Variants in TMEM132A observed in about 807,000 individuals in gnomAD.
TMEM132A encodes the protein transmembrane protein 132A.
TMEM132A carries 48 observed loss-of-function variants against 69.9 expected under a neutral mutation model. That is an observed-to-expected ratio of 0.69 (90% CI 0.55 to 0.87). The LOEUF (loss-of-function observed/expected upper bound fraction) is 0.87. Ranked by LOEUF, TMEM132A falls within the 40% of genes least tolerant of loss-of-function variation. TMEM132A has a pLI of 0.00. For missense variants in TMEM132A, 1,287 were observed against 1,407.2 expected, an observed-to-expected ratio of 0.91 and a Z score of 1.37; for synonymous variants, 577 against 613.7, an observed-to-expected ratio of 0.94 and a Z score of 0.88.
rs1856306613 is a variant in TMEM132A, at chr11:60,924,526, C to G, written c.-108C>G. 3 of 763,494 alleles carry G rather than the reference C, an allele frequency of 3.9e-6. No homozygotes were observed. The highest frequency in any genetic ancestry group is 7.2e-5 in the East Asian group (2 of 27,844). 47.3% of individuals were successfully genotyped at this position (763,494 alleles called of 1,614,324 possible). On this transcript the variant is annotated 5_prime_UTR_variant, in exon 1 of 11. Transcript: ENST00000453848. Reference sequence around the variant, plus strand: ...GGGCGGCGGCGGCGGCGGCGGCGGCCGGGACCCAGCGGGCCAGGTGGGGAC... The same window carrying G: ...GGGCGGCGGCGGCGGCGGCGGCGGCGGGGACCCAGCGGGCCAGGTGGGGAC...
rs1856608631 is a variant in TMEM132A, at chr11:60,936,595, G to A, written c.2760G>A (p.Glu920=). The part of the protein sequence containing the change: ...DRQSPGPPKG[E]GSCPCESGGG... ...AGTCCCCTGGCCCGCCCAAGGGGGA[G>A]GGGAGCTGCCCCTGTGAGAGTGGGG... Residue 920 remains glutamate (E), a synonymous_variant, in exon 11 of 11, where the codon GAG becomes GAA. Transcript: ENST00000453848. 6.3e-7 allele frequency: 1 copy of A among 1,594,954 alleles called. No individual in the cohort carries two copies.
At position 60,930,514 on chromosome 11, in the gene TMEM132A, A is replaced by C; in HGVS notation, c.871A>C (p.Lys291Gln). Residue 291 changes from lysine to glutamine, a missense_variant, in exon 5 of 11, where the codon AAG becomes CAG. Transcript: ENST00000453848. ...AGCCTATACTCTCTTCCCCAGGATC[A>C]AGGTGAAGAAGGGGCTGCATGTGAC... ...FTASLLTLRI[K>Q]VKKGLHVTAA... 6.2e-7 allele frequency: 1 copy of C among 1,602,068 alleles called. No homozygotes were observed. Among genetic ancestry groups the C allele is most frequent in the South Asian group, 1.1e-5 (1 of 89,524 alleles).
In TMEM132A at chr11:60,927,664, G is replaced by T; in HGVS notation, c.339G>T (p.Glu113Asp). The stretch of plus-strand genomic sequence containing the variant: ...AGGTGGTCCCCCCTCGAGTCACTGA[G>T]CCCCACCAACGGCCAGTCCCATGGG... ...TQQVVPPRVT[E>D]PHQRPVPWDV... The change falls in exon 3 of 11, where the codon GAG (glutamate) becomes GAT (aspartate). Residue 113 changes from glutamate to aspartate, a missense_variant. By Grantham distance (45) the Glu-to-Asp change is conservative. Coordinates refer to ENST00000453848, the MANE Select transcript of TMEM132A (RefSeq NM_178031.3). The T allele has an allele frequency of 1.9e-6, 3 of 1,612,442 alleles. No individual in the cohort carries two copies. Among genetic ancestry groups the T allele is most frequent in the Non-Finnish European group, 2.5e-6 (3 of 1,179,816 alleles).
At position 60,930,731 on chromosome 11, in the gene TMEM132A, G is replaced by C; in HGVS notation, c.1016+72G>C. 2.1e-6 allele frequency: 3 copies of C among 1,449,622 alleles called. No homozygotes were observed. The South Asian group carries it at 4.2e-5, about 20-fold the overall frequency. The allele number at this position is 1,449,622 out of a possible 1,614,324, so 89.8% of individuals were successfully genotyped here. ...TATAGAGTGCAGTTGAGCAGATTTGGAGGCTGCCATGCTGCCTCTAGATCC... is the reference window on the plus strand; with the variant it reads ...TATAGAGTGCAGTTGAGCAGATTTGCAGGCTGCCATGCTGCCTCTAGATCC... On this transcript the variant is annotated intron_variant, in intron 5 of 10. Transcript: ENST00000453848.
Position 60,934,586 on chromosome 11 carries a change from C to G in TMEM132A, c.1658C>G (p.Pro553Arg), listed in dbSNP as rs776316834. The G allele has an allele frequency of 2.8e-4, 436 of 1,559,536 alleles. No individual in the cohort carries two copies. The highest frequency in any genetic ancestry group is 3.6e-4 in the Non-Finnish European group (414 of 1,161,466). Residue 553 changes from proline to arginine, a missense_variant, in exon 9 of 11, where the codon CCC becomes CGC. Pro to Arg is a moderately radical substitution (Grantham distance 103, BLOSUM62 -2). Coordinates refer to ENST00000453848, the MANE Select transcript of TMEM132A (RefSeq NM_178031.3). ...CGGGCCGGTGTGCGCTTCCTCGCCCCCTTCGCGGCCCACCCGCTGGACGGC... is the reference window on the plus strand; with the variant it reads ...CGGGCCGGTGTGCGCTTCCTCGCCCGCTTCGCGGCCCACCCGCTGGACGGC... ...YQRAGVRFLA[P>R]FAAHPLDGGR...
At chr11:60,927,043 C>A in intron 1 of TMEM132A, 161 bp from the exon 2 acceptor site, 2 of 697,060 alleles carry the variant, frequency 2.9e-6, no homozygotes, top group South Asian at 1.6e-5. Context: ...GCTCTTTAAG[C>A]CTCAGTGACC....
intron 1 of TMEM132A, 199 bp from the exon 2 acceptor site, chr11:60,927,005 T>C: frequency 1.6e-6 from 1 of 626,264 alleles, no homozygotes; most frequent in Non-Finnish European, 2.9e-6. Flanking sequence ...ATTCGAATCC[T>C]GGCTTTGCTA....
Position 60,935,509 on chromosome 11 carries a change from A to T in TMEM132A, c.2028+66A>T, listed in dbSNP as rs1288521713. On this transcript the variant is annotated intron_variant, in intron 10 of 10. Coordinates refer to ENST00000453848, the MANE Select transcript of TMEM132A (RefSeq NM_178031.3). This position sits in a 1 kb window ranked among gnomAD's most constrained non-coding sequence, Gnocchi z 5.0. ...AGATGGGGGCTCATGGTAGAGGGGA[A>T]TGGGAGGAAGGGACCCTGGTACCTC... 6.7e-7 allele frequency: 1 copy of T among 1,492,470 alleles called. No homozygotes were observed. Among genetic ancestry groups the T allele is most frequent in the Admixed American group, 2.0e-5 (1 of 49,142 alleles). The allele number at this position is 1,492,470 out of a possible 1,614,324, so 92.5% of individuals were successfully genotyped here.
At position 60,931,802 on chromosome 11, in the gene TMEM132A, C is replaced by A. The variant is rs868024774; in HGVS notation, c.1130C>A (p.Ala377Asp). The change falls in exon 6 of 11, where the codon GCC becomes GAC. Residue 377 changes from alanine (A) to aspartate (D), a missense_variant. Ala to Asp is a moderately radical substitution (Grantham distance 126). Transcript: ENST00000453848. ...VTWQLEYPGQ[A>D]PEAEKDKMVW... The stretch of plus-strand genomic sequence containing the variant: ...TGGCAGCTGGAGTACCCAGGCCAGG[C>A]CCCTGAAGCAGAGAAGGACAAAATG... The A allele has an allele frequency of 6.2e-7, 1 of 1,614,072 alleles. No individual in the cohort carries two copies. The highest frequency in any genetic ancestry group is 1.3e-5 in the African/African-American group (1 of 74,924).
rs1216910931 is a variant in TMEM132A, at chr11:60,931,672, T to C, written c.1017-17T>C. On this transcript the variant is annotated splice_polypyrimidine_tract_variant and intron_variant, in intron 5 of 10. Coordinates refer to ENST00000453848, the MANE Select transcript of TMEM132A (RefSeq NM_178031.3). ...AGCTAGCAAGCATTTGGCTTCTCTG[T>C]CTCCTTTGGCCAGCAGTCCCCTTGA... 1.3e-6 allele frequency: 2 copies of C among 1,592,836 alleles called. No homozygotes were observed. The highest frequency in any genetic ancestry group is 8.6e-7 in the Non-Finnish European group (1 of 1,166,208).
At chr11:60,930,761 G>C (rs1856463849) in intron 5 of TMEM132A, 102 bp downstream of exon 5, 2 of 1,202,578 alleles carry the variant, frequency 1.7e-6, no homozygotes, top group Non-Finnish European at 2.3e-6. Context: ...AGATCCCCAG[G>C]TGAGCAGACC....
At position 60,924,745 on chromosome 11, in the gene TMEM132A, G is replaced by T; in HGVS notation, c.100+12G>T. The T allele has an allele frequency of 6.6e-7, 1 of 1,524,928 alleles. No homozygotes were observed. The highest frequency in any genetic ancestry group is 2.0e-4 in the Middle Eastern group (1 of 4,920). The allele number at this position is 1,524,928 out of a possible 1,614,324, so 94.5% of individuals were successfully genotyped here. ...GGACGTCGTGAGAGGTCAGCGGGAGGGGAGGGCCGGGGCGAGGGGCGGCCG... is the reference window on the plus strand; with the variant it reads ...GGACGTCGTGAGAGGTCAGCGGGAGTGGAGGGCCGGGGCGAGGGGCGGCCG... On this transcript the variant is annotated intron_variant, in intron 1 of 10. Transcript: ENST00000453848.
rs539899026 is a variant in TMEM132A at position 60,936,384 on chromosome 11, T to C, written c.2549T>C (p.Met850Thr). The C allele has an allele frequency of 1.4e-5, 22 of 1,614,148 alleles. No individual in the cohort carries two copies. In the Admixed American group the frequency reaches 2.7e-4, roughly 20 times the overall value. Residue 850 changes from methionine to threonine, a missense_variant, in exon 11 of 11, where the codon ATG becomes ACG. Transcript: ENST00000453848. ...CATGTCACTGAGCTAGAGCTGGGCA[T>C]GTACGCCCTGCTGGGAGTCTTCTGC... ...PQHVTELELG[M>T]YALLGVFCVA...
At chr11:60,924,871 G>A in intron 1 of TMEM132A, 138 bp downstream of exon 1, 1 of 627,052 alleles carries the variant, frequency 1.6e-6, no homozygotes, top group Non-Finnish European at 2.6e-6. Context: ...CTGAAGGTCG[G>A]AGAGTTCTTG....
chr11:60,928,747 G>T lies in TMEM132A; in HGVS notation c.653G>T (p.Gly218Val), dbSNP rs1288257723. The T allele has an allele frequency of 6.2e-7, 1 of 1,609,106 alleles. No homozygotes were observed. The highest frequency in any genetic ancestry group is 8.5e-7 in the Non-Finnish European group (1 of 1,178,422). ...TLEPAAEGPG[G>V]CGSGEENDPG... ...GAGCCTGCAGCTGAGGGCCCTGGGG[G>T]CTGTGGCTCCGGCGAGGAGAACGAC... Residue 218 changes from glycine (G) to valine (V), a missense_variant, in exon 4 of 11, where the codon GGC becomes GTC. By Grantham distance (109) the Gly-to-Val change is moderately radical (BLOSUM62 -3). Coordinates refer to ENST00000453848, the MANE Select transcript of TMEM132A (RefSeq NM_178031.3).
rs143675202 is a variant in TMEM132A at position 60,931,842 on chromosome 11, G to A, written c.1170G>A (p.Leu390=). The part of the protein sequence containing the change: ...AEKDKMVWEI[L]VSERDIRALI... ...AGGACAAAATGGTGTGGGAAATCCT[G>A]GTGTCTGAGCGGGACATCAGAGCCC... The change falls in exon 6 of 11, where the codon CTG becomes CTA. Residue 390 remains leucine (L), a synonymous_variant. Coordinates refer to ENST00000453848, the MANE Select transcript of TMEM132A (RefSeq NM_178031.3). The A allele has an allele frequency of 6.2e-7, 1 of 1,614,256 alleles. No homozygotes were observed. The highest frequency in any genetic ancestry group is 8.5e-7 in the Non-Finnish European group (1 of 1,180,050).
In TMEM132A at chr11:60,936,707, GGGC is replaced by G. The variant is rs778059033; in HGVS notation, c.2878_2880del (p.Arg960del). On this transcript the variant is annotated inframe_deletion, in exon 11 of 11. Coordinates refer to ENST00000453848, the MANE Select transcript of TMEM132A (RefSeq NM_178031.3). ...CACCCTGGCCCGAAAGGAGGCTGGG[GGGC>G]GGCGGAAGCGAGTAGAGTTTGTGAC... 2 of 1,575,706 alleles carry G rather than the reference GGGC, an allele frequency of 1.3e-6. No homozygotes were observed. Among genetic ancestry groups the G allele is most frequent in the South Asian group, 2.3e-5 (2 of 85,728 alleles).
At chr11:60,934,435 C>T in intron 8 of TMEM132A, 53 bp from the exon 9 acceptor site, 2 of 1,313,028 alleles carry the variant, frequency 1.5e-6, no homozygotes, top group East Asian at 3.2e-5. Context: ...GGGCCCTGGG[C>T]AGGCTGGGGC....
chr11:60,934,616 G>A lies in TMEM132A; in HGVS notation c.1688G>A (p.Arg563His). 3 of 1,582,678 alleles carry A rather than the reference G, an allele frequency of 1.9e-6. No individual in the cohort carries two copies. The highest frequency in any genetic ancestry group is 1.7e-5 in the Admixed American group (1 of 58,058). The change falls in exon 9 of 11, where the codon CGC becomes CAC. Residue 563 changes from arginine to histidine, a missense_variant. By Grantham distance (29) the Arg-to-His change is conservative (BLOSUM62 0). Coordinates refer to ENST00000453848, the MANE Select transcript of TMEM132A (RefSeq NM_178031.3). ...PFAAHPLDGGRRLTHLLGPDW... is the reference protein window; with the variant it reads ...PFAAHPLDGGHRLTHLLGPDW... ...GCGGCCCACCCGCTGGACGGCGGCC[G>A]CCGCCTCACGCACCTGCTTGGCCCC... is the stretch of plus-strand genomic sequence containing the variant.
Sources: gnomAD v4.1 joint callset for allele counts on GRCh38, gnomAD v4.1.1 for gene constraint, Gnocchi (gnomAD v3.1) non-coding constraint, MANE v1.5 for transcripts, NCBI Gene and HGNC (gene_info 2026-07-23, HGNC 2026-07-21) for gene names.